ABCF2: variants seen among roughly 807,000 people sequenced by gnomAD.
ABCF2 encodes ATP-binding cassette sub-family F member 2.
In ABCF2, 37 loss-of-function variants were observed where a neutral mutation model predicts 76.9. The observed-to-expected ratio is 0.48, with a 90% confidence interval of 0.37 to 0.63. The LOEUF is 0.63. ABCF2 is among the 30% of genes least tolerant of loss of function. ABCF2 has a pLI of 0.00. For missense variants in ABCF2, 524 were observed against 782.1 expected, an observed-to-expected ratio of 0.67 and a Z score of 3.94; for synonymous variants, 299 against 283.7, an observed-to-expected ratio of 1.05 and a Z score of -0.54.
At chr7:151,221,103 G>C (rs1014388202) in intron 7 of ABCF2, among the ~76,000 whole-genome samples, 2 of 152,194 alleles carry the variant, frequency 1.3e-5, no homozygotes, top group African/African-American at 4.8e-5. Flanking sequence ...CCTATGGCCT[G>C]AAAGCAATGA....
intron 3 of ABCF2, 96 bp from the exon 4 acceptor site, chr7:151,224,210 ATT>A (rs878980435): frequency 7.3e-4 from 728 of 992,076 alleles, no homozygotes; most frequent in Admixed American, 9.4e-4. Flanking sequence ...GACCTCATCC[ATT>A]TTTTTTTTTT....
Position 151,224,952 on chromosome 7 carries a change from T to C in ABCF2, c.191A>G (p.Glu64Gly), listed in dbSNP as rs1286486591. ...AGCTCGAGCAGCAGCTTTCTTCATC[T>C]CAAAGTCCTCTAGCTCCTTGGTCAG... is the stretch of plus-strand genomic sequence containing the variant. ...DLLTKELEDFEMKKAAARAVT... is the reference protein window; with the variant it reads ...DLLTKELEDFGMKKAAARAVT... The change falls in exon 3 of 15, where the codon GAG (glutamate) becomes GGG (glycine). Residue 64 changes from glutamate to glycine, a missense_variant. Physicochemically the swap from Glu to Gly is moderately conservative, Grantham distance 98. Coordinates refer to ENST00000287844, the MANE Select transcript of ABCF2 (RefSeq NM_007189.3). 3 of 1,614,178 alleles carry C rather than the reference T, an allele frequency of 1.9e-6. No homozygotes were observed. Among genetic ancestry groups the C allele is most frequent in the Non-Finnish European group, 2.5e-6 (3 of 1,180,048 alleles).
intron 7 of ABCF2, among the ~76,000 whole-genome samples, chr7:151,220,092 C>A (rs1178890917): frequency 6.6e-6 from 1 of 150,496 alleles, no homozygotes; most frequent in African/African-American, 2.5e-5. Flanking sequence ...GAGACAGACC[C>A]CATCTCGAGA....
intron 6 of ABCF2, 173 bp from the exon 7 acceptor site, chr7:151,221,853 A>G: frequency 3.6e-6 from 2 of 559,184 alleles, no homozygotes; most frequent in South Asian, 2.1e-5. Context: ...CTGTAAGGGT[A>G]TTTGGACGCC....
At position 151,215,527 on chromosome 7, in the gene ABCF2, C is replaced by A; in HGVS notation, c.1530+77G>T. The A allele has an allele frequency of 6.3e-7, 1 of 1,577,344 alleles. No homozygotes were observed. ...TGGACAGCTTCCAAACCCAGGCTGC[C>A]AGGACAGTATCCCCTGACCCACCCA... On this transcript the variant is annotated intron_variant, in intron 13 of 14. Transcript: ENST00000287844. This position sits in a 1 kb window ranked among gnomAD's most constrained non-coding sequence, Gnocchi z 4.6.
Position 151,213,940 on chromosome 7 carries a change from G to A in ABCF2, c.*114C>T. On this transcript the variant is annotated 3_prime_UTR_variant, in exon 15 of 15. Coordinates refer to ENST00000287844, the MANE Select transcript of ABCF2 (RefSeq NM_007189.3). The stretch of plus-strand genomic sequence containing the variant: ...GAGGGGCAGGGGAGAGGCTGGGGGA[G>A]CAGTATTGCAGCAATGCAGGAGTGT... 1.3e-6 allele frequency: 2 copies of A among 1,514,794 alleles called. No homozygotes were observed. Among genetic ancestry groups the A allele is most frequent in the Non-Finnish European group, 1.8e-6 (2 of 1,140,308 alleles). 93.8% of individuals were successfully genotyped at this position (1,514,794 alleles called of 1,614,324 possible). A position where few individuals can be genotyped will look rare whatever the true frequency, so the allele number is the denominator to read the frequency against.
rs552440053 is a variant in ABCF2, at chr7:151,221,568, G to A, written c.921+10C>T. 1.3e-6 allele frequency: 2 copies of A among 1,503,134 alleles called. No homozygotes were observed. The highest frequency in any genetic ancestry group is 2.8e-5 in the African/African-American group (2 of 72,410). 93.1% of individuals were successfully genotyped at this position (1,503,134 alleles called of 1,614,324 possible). On this transcript the variant is annotated intron_variant, in intron 7 of 14. Coordinates refer to ENST00000287844, the MANE Select transcript of ABCF2 (RefSeq NM_007189.3). ...ACAGAGATTACCAGAAGAAGCCGAG[G>A]CCCACTCACCGTATAATACTTCAGT...
rs1057497178 is a variant in ABCF2 at position 151,213,249 on chromosome 7, C to G, written c.*805G>C. On this transcript the variant is annotated 3_prime_UTR_variant, in exon 15 of 15. Coordinates refer to ENST00000287844, the MANE Select transcript of ABCF2 (RefSeq NM_007189.3). ...CCCCCAAAACCTATTGAACCAGAAA[C>G]GCTGAGGCGAGATCTGGCAATCTGA... 1.0e-6 allele frequency: 1 copy of G among 976,156 alleles called. No individual in the cohort carries two copies. Among genetic ancestry groups the G allele is most frequent in the South Asian group, 4.7e-5 (1 of 21,080 alleles). The allele number at this position is 976,156 out of a possible 1,614,324, so 60.5% of individuals were successfully genotyped here.
Position 151,211,880 on chromosome 7 carries a change from C to T in ABCF2, c.*2174G>A, listed in dbSNP as rs995360725. On this transcript the variant is annotated 3_prime_UTR_variant, in exon 15 of 15. Transcript: ENST00000287844. ...CATCTGTCTCAGCTGCAGTGTCTCACGGGAGGCTCCTGTCCCTGTTGCCCA... is the reference window on the plus strand; with the variant it reads ...CATCTGTCTCAGCTGCAGTGTCTCATGGGAGGCTCCTGTCCCTGTTGCCCA... The T allele has an allele frequency of 8.3e-5, 82 of 985,316 alleles. No homozygotes were observed. The highest frequency in any genetic ancestry group is 9.6e-5 in the Non-Finnish European group (80 of 829,944). The allele number at this position is 985,316 out of a possible 1,614,324, so 61.0% of individuals were successfully genotyped here. A position where few individuals can be genotyped will look rare whatever the true frequency, so the allele number is the denominator to read the frequency against.
chr7:151,216,163 G>A (rs987302913), intron 11 of ABCF2, 134 bp from the exon 12 acceptor site: 7 of 720,934 alleles, frequency 9.7e-6, no homozygotes, highest in East Asian at 2.6e-5. Flanking sequence ...TCACCAACTC[G>A]CACACTGCTA....
At chr7:151,219,916 T>A (rs187696983) in intron 7 of ABCF2, among the ~76,000 whole-genome samples, 32 of 151,692 alleles carry the variant, frequency 2.1e-4, no homozygotes, top group African/African-American at 7.8e-4. Flanking sequence ...CTAGCCAACA[T>A]GGCGAAACCC....
At chr7:151,224,155 C>T (rs1461170959) in intron 3 of ABCF2, 41 bp from the exon 4 acceptor site, 1 of 1,597,596 alleles carries the variant, frequency 6.3e-7, no homozygotes, top group Non-Finnish European at 8.5e-7. Context: ...CAGTGAACTC[C>T]CCTATCCCTC....
At chr7:151,225,048 G>T in intron 2 of ABCF2, 60 bp from the exon 3 acceptor site, 1 of 1,482,016 alleles carries the variant, frequency 6.7e-7, no homozygotes, top group Non-Finnish European at 9.4e-7. Flanking sequence ...CTCCACAAAG[G>T]TCAACGTCCT....
Position 151,211,744 on chromosome 7 carries a change from C to T in ABCF2, c.*2310G>A, listed in dbSNP as rs1802048618. ...CCCACTCTCCAGATGCCATTCTCCC[C>T]TGAACCAAGGCTCTGGACTCTCAGG... On this transcript the variant is annotated 3_prime_UTR_variant, in exon 15 of 15. Coordinates refer to ENST00000287844, the MANE Select transcript of ABCF2 (RefSeq NM_007189.3). 3 of 985,424 alleles carry T rather than the reference C, an allele frequency of 3.0e-6. No individual in the cohort carries two copies. The highest frequency in any genetic ancestry group is 3.6e-6 in the Non-Finnish European group (3 of 829,932). 61.0% of individuals were successfully genotyped at this position (985,424 alleles called of 1,614,324 possible).
Position 151,225,085 on chromosome 7 carries a change from G to A in ABCF2, c.155-97C>T, listed in dbSNP as rs1802346923. On this transcript the variant is annotated intron_variant, in intron 2 of 14. Coordinates refer to ENST00000287844, the MANE Select transcript of ABCF2 (RefSeq NM_007189.3). ...AAGGACCAGGCTCCAATCCTGCTGA[G>A]CACTCAGATGTTTCCCAAACTTTAC... The A allele has an allele frequency of 3.7e-6, 4 of 1,080,044 alleles. No individual in the cohort carries two copies. The Admixed American group carries it at 5.4e-5, about 15-fold the overall frequency. 66.9% of individuals were successfully genotyped at this position (1,080,044 alleles called of 1,614,324 possible). A position where few individuals can be genotyped will look rare whatever the true frequency, so the allele number is the denominator to read the frequency against.
Position 151,213,992 on chromosome 7 carries a change from T to C in ABCF2, c.*62A>G. ...GCCCCAGGGTCCTGTCCTGAGCGGC[T>C]GGTCAGGTTAGCAGCTGTTAGTTCC... On this transcript the variant is annotated 3_prime_UTR_variant, in exon 15 of 15. Coordinates refer to ENST00000287844, the MANE Select transcript of ABCF2 (RefSeq NM_007189.3). The C allele has an allele frequency of 6.3e-7, 1 of 1,599,498 alleles. No individual in the cohort carries two copies. Among genetic ancestry groups the C allele is most frequent in the East Asian group, 2.2e-5 (1 of 44,770 alleles).
chr7:151,218,788 G>A lies in ABCF2; in HGVS notation c.1103C>T (p.Ala368Val). The A allele has an allele frequency of 6.2e-7, 1 of 1,612,938 alleles. No homozygotes were observed. Among genetic ancestry groups the A allele is most frequent in the Non-Finnish European group, 8.5e-7 (1 of 1,179,732 alleles). ...SKEKTLQKMM[A>V]SGLTERVVSD... ...CACGACCCTCTCTGTCAGTCCTGAT[G>A]CCATCATTTTCTGTAGCGTCTTCTC... is the stretch of plus-strand genomic sequence containing the variant. The change falls in exon 9 of 15, where the codon GCA (alanine) becomes GTA (valine). Residue 368 changes from alanine (A) to valine (V), a missense_variant. Ala to Val is a moderately conservative substitution (Grantham distance 64, BLOSUM62 0). This residue lies in a region of ABCF2 where 194 missense variants were observed against 348.6 expected (regional missense o/e 0.56). Coordinates refer to ENST00000287844, the MANE Select transcript of ABCF2 (RefSeq NM_007189.3).
At position 151,216,111 on chromosome 7, in the gene ABCF2, ATGT is replaced by A. The variant is rs1802146000; in HGVS notation, c.1339-85_1339-83del. Reference sequence around the variant, plus strand: ...ATAGGCAGAGCAGGCAAACAAACACATGTTCACACTGAACAAGACTCAACTTCC... The same window carrying A: ...ATAGGCAGAGCAGGCAAACAAACACATCACACTGAACAAGACTCAACTTCC... On this transcript the variant is annotated intron_variant, in intron 11 of 14. Transcript: ENST00000287844. 119 of 1,192,604 alleles carry A rather than the reference ATGT, an allele frequency of 1.0e-4. 1 individual carries two copies. In the South Asian group the frequency reaches 1.4e-3, roughly 14 times the overall value. The allele number at this position is 1,192,604 out of a possible 1,614,324, so 73.9% of individuals were successfully genotyped here.
rs1005241307 is a variant in ABCF2, at chr7:151,214,786, T to C, written c.1734+93A>G. ...CTCTGAGCCCCTTCTCTTAATTCAG[T>C]AGGCGGGTATTATGCACCCTCCACA... On this transcript the variant is annotated intron_variant, in intron 14 of 14. Transcript: ENST00000287844. The surrounding 1 kb of genome is among the most constrained non-coding windows in gnomAD (Gnocchi z 4.9). The C allele has an allele frequency of 6.7e-6, 8 of 1,200,600 alleles. No homozygotes were observed. The highest frequency in any genetic ancestry group is 9.7e-6 in the Non-Finnish European group (8 of 822,430). The allele number at this position is 1,200,600 out of a possible 1,614,324, so 74.4% of individuals were successfully genotyped here. A position where few individuals can be genotyped will look rare whatever the true frequency, so the allele number is the denominator to read the frequency against.
Sources: gnomAD v4.1 joint callset for allele counts (sites outside exome capture counted in the v4.1 genomes callset) on GRCh38, gnomAD v4.1.1 for gene constraint, gnomAD v4.1.1 regional missense constraint, Gnocchi (gnomAD v3.1) non-coding constraint, MANE v1.5 for transcripts, NCBI Gene and HGNC (gene_info 2026-07-23, HGNC 2026-07-21) for gene names.